CEP192: variants seen among roughly 807,000 people sequenced by gnomAD.
CEP192 encodes centrosomal protein 192.
Under a neutral mutation model 271.8 loss-of-function variants are expected in CEP192, and 151 were observed. The ratio of observed to expected loss-of-function variants is 0.56; its 90% CI spans 0.49 to 0.64. CEP192 has a LOEUF of 0.64. CEP192 is among the 30% of genes least tolerant of loss of function. The probability of loss-of-function intolerance (pLI) is 0.00; values close to 1 mark genes in which losing one functional copy is unlikely to be tolerated. For missense variants in CEP192, 2,910 were observed against 3,020.5 expected (o/e 0.96, Z 0.86); for synonymous variants, 995 against 1,076.5 (o/e 0.92, Z 1.48).
chr18:13,075,999 G>C (rs67838921), intron 30 of CEP192, among the ~76,000 whole-genome samples: 15,859 of 152,184 alleles, frequency 0.1, 979 homozygotes, highest in East Asian at 0.26. Context: ...CATTGGCAGA[G>C]TCTGGAGTTA....
At position 12,993,554 on chromosome 18, in the gene CEP192, C is replaced by T. The variant is rs549847889; in HGVS notation, c.-5+2117C>T. 3.9e-5 allele frequency among the ~76,000 whole-genome samples: 6 copies of T among 152,332 alleles called. No individual in the cohort carries two copies. In the East Asian group the frequency reaches 1.2e-3, roughly 29 times the overall value. On this transcript the variant is annotated intron_variant, in intron 1 of 44. Transcript: ENST00000506447. The stretch of plus-strand genomic sequence containing the variant: ...TGGCTATTCACATGCATGGTCATAG[C>T]TCACTGCAGCCTCAAACTTTTGGGC...
intron 44 of CEP192, among the ~76,000 whole-genome samples, chr18:13,121,221 T>G (rs2040642908): frequency 6.6e-6 from 1 of 152,268 alleles, no homozygotes; most frequent in Non-Finnish European, 1.5e-5. Flanking sequence ...TCCCAGCCTT[T>G]AGTTAATCAC....
chr18:13,050,327 CA>C (rs1475642709), intron 17 of CEP192, among the ~76,000 whole-genome samples: 2 of 152,094 alleles, frequency 1.3e-5, no homozygotes, highest in Non-Finnish European at 2.9e-5. Flanking sequence ...GCCTAACCAG[CA>C]AAATTATCAA....
rs2040370272 is a variant in CEP192 at position 13,115,138 on chromosome 18, A to AT, written c.7289+888dup. Among the ~76,000 whole-genome samples, 3 of 152,134 alleles carry AT rather than the reference A, an allele frequency of 2.0e-5. No individual in the cohort carries two copies. In the South Asian group the frequency reaches 6.2e-4, roughly 32 times the overall value. Reference sequence around the variant, plus strand: ...GGAAGAAATTAGAGCCCTTTAATGAATGCATGTTCTTGGCACACTCCCTCC... The same window carrying AT: ...GGAAGAAATTAGAGCCCTTTAATGAATTGCATGTTCTTGGCACACTCCCTCC... On this transcript the variant is annotated intron_variant, in intron 42 of 44. Transcript: ENST00000506447.
In CEP192 at chr18:13,049,774, A is replaced by G. The variant is rs934102529; in HGVS notation, c.2900A>G (p.Asn967Ser). ...TACCCCTTTCTGATAGATTTGAAAAATACCTCTCCTGAGCATGGTGGACGT... is the reference window on the plus strand; with the variant it reads ...TACCCCTTTCTGATAGATTTGAAAAGTACCTCTCCTGAGCATGGTGGACGT... ...IVSPKNSDLK[N>S]TSPEHGGRGS... Residue 967 changes from asparagine to serine, a missense_variant, in exon 17 of 45, where the codon AAT becomes AGT. Physicochemically the swap from Asn to Ser is conservative, Grantham distance 46 (BLOSUM62 1). Transcript: ENST00000506447. 1.2e-6 allele frequency: 2 copies of G among 1,611,082 alleles called. No homozygotes were observed. The highest frequency in any genetic ancestry group is 1.7e-6 in the Non-Finnish European group (2 of 1,179,060).
chr18:13,025,049 G>A (rs1317324060), intron 9 of CEP192, among the ~76,000 whole-genome samples: 1 of 152,150 alleles, frequency 6.6e-6, no homozygotes, highest in Non-Finnish European at 1.5e-5. Flanking sequence ...TGGAATTACA[G>A]GCGTGACCCA....
intron 30 of CEP192, 46 bp from the exon 31 acceptor site, chr18:13,086,971 T>C: frequency 2.2e-6 from 3 of 1,389,776 alleles, no homozygotes; most frequent in Non-Finnish European, 3.0e-6. Flanking sequence ...GTGTTTCGCT[T>C]TCTGCTTAAC....
At chr18:13,051,931 A>T (rs1251272302) in intron 17 of CEP192, among the ~76,000 whole-genome samples, 2 of 152,214 alleles carry the variant, frequency 1.3e-5, no homozygotes, top group Admixed American at 6.5e-5. Context: ...CTTTGTACAA[A>T]AAAGAAAGAT....
chr18:13,118,199 T>C (rs1341551526), intron 44 of CEP192, among the ~76,000 whole-genome samples: 1 of 152,240 alleles, frequency 6.6e-6, no homozygotes, highest in African/African-American at 2.4e-5. Flanking sequence ...GTCACTGTTA[T>C]TTAGAACTTA....
Position 13,116,642 on chromosome 18 carries a change from C to G in CEP192, c.7416+139C>G, listed in dbSNP as rs1036548393. ...TTTTCTTTTTTTGGAGATGGAGTCT[C>G]GCTGTCGCCCAGGCTGAAGTGCAGT... is the stretch of plus-strand genomic sequence containing the variant. On this transcript the variant is annotated intron_variant, in intron 43 of 44. Transcript: ENST00000506447. 2.2e-5 allele frequency: 17 copies of G among 756,338 alleles called. No individual in the cohort carries two copies. In the Middle Eastern group the frequency reaches 1.2e-3, roughly 53 times the overall value. The allele number at this position is 756,338 out of a possible 1,614,324, so 46.9% of individuals were successfully genotyped here. A position where few individuals can be genotyped will look rare whatever the true frequency, so the allele number is the denominator to read the frequency against.
At chr18:13,085,227 A>G (rs1479569403) in intron 30 of CEP192, among the ~76,000 whole-genome samples, 1 of 151,680 alleles carries the variant, frequency 6.6e-6, no homozygotes, top group African/African-American at 2.4e-5. Flanking sequence ...TCCTTTGCCC[A>G]CTTTTTGATG....
At chr18:13,054,439 T>A (rs1426812578) in intron 18 of CEP192, among the ~76,000 whole-genome samples, 2 of 152,242 alleles carry the variant, frequency 1.3e-5, no homozygotes, top group East Asian at 3.8e-4. Flanking sequence ...GAAGAGTTAC[T>A]GAATACACAG....
At position 12,997,359 on chromosome 18, in the gene CEP192, T is replaced by TG. The variant is rs557916223; in HGVS notation, c.-4-2058dup. Among the ~76,000 whole-genome samples, 688 of 152,220 alleles carry TG rather than the reference T, an allele frequency of 4.5e-3. 4 individuals are homozygous for TG. The highest frequency in any genetic ancestry group is 0.017 in the Middle Eastern group (5 of 294). Reference sequence around the variant, plus strand: ...GTTAAGTTACCTTTTAAGGATTTCGTGGGGCGGCAGGGGGGAATCTGTGCA... The same window carrying TG: ...GTTAAGTTACCTTTTAAGGATTTCGTGGGGGCGGCAGGGGGGAATCTGTGCA... On this transcript the variant is annotated intron_variant, in intron 1 of 44. Coordinates refer to ENST00000506447, the MANE Select transcript of CEP192 (RefSeq NM_032142.4).
intron 2 of CEP192, 75 bp downstream of exon 2, chr18:12,999,663 C>T: frequency 8.9e-7 from 1 of 1,122,376 alleles, no homozygotes; most frequent in Non-Finnish European, 1.2e-6. Flanking sequence ...TTCTGTTTCT[C>T]AGTCAAGCTT....
At chr18:13,119,387 A>G (rs957571901) in intron 44 of CEP192, among the ~76,000 whole-genome samples, 1 of 152,188 alleles carries the variant, frequency 6.6e-6, no homozygotes, top group Non-Finnish European at 1.5e-5. Context: ...ACTGGCATAC[A>G]TCTGTCACAA....
chr18:13,105,336 A>G (rs543673160), intron 40 of CEP192, among the ~76,000 whole-genome samples: 30 of 152,352 alleles, frequency 2.0e-4, no homozygotes, highest in Middle Eastern at 6.8e-3. Context: ...TACTGCACTG[A>G]TGGAGACGAG....
At position 13,049,127 on chromosome 18, in the gene CEP192, T is replaced by C. The variant is rs2036634211; in HGVS notation, c.2336T>C (p.Leu779Pro). Residue 779 changes from leucine (L) to proline (P), a missense_variant, in exon 16 of 45, where the codon CTT becomes CCT. Physicochemically the swap from Leu to Pro is moderately conservative, Grantham distance 98 (BLOSUM62 -3). Coordinates refer to ENST00000506447, the MANE Select transcript of CEP192 (RefSeq NM_032142.4). ...GAAAAAAGTAATGGATCCAATGCACTTGATATGGAGAAATACCTTAAAAAA... is the reference window on the plus strand; with the variant it reads ...GAAAAAAGTAATGGATCCAATGCACCTGATATGGAGAAATACCTTAAAAAA... Reference protein sequence around the residue: ...DLEKSNGSNALDMEKYLKKTE... With the variant: ...DLEKSNGSNAPDMEKYLKKTE... 6.2e-7 allele frequency: 1 copy of C among 1,613,894 alleles called. No individual in the cohort carries two copies. The highest frequency in any genetic ancestry group is 8.5e-7 in the Non-Finnish European group (1 of 1,179,968).
chr18:13,018,729 T>A, intron 8 of CEP192, 114 bp downstream of exon 8: 1 of 738,398 alleles, frequency 1.4e-6, no homozygotes, highest in Non-Finnish European at 2.1e-6. Flanking sequence ...TTCTAGTCCC[T>A]CAGGTCTTTA....
At chr18:13,031,469 G>A (rs1379810773) in intron 11 of CEP192, among the ~76,000 whole-genome samples, 4 of 151,898 alleles carry the variant, frequency 2.6e-5, no homozygotes, top group African/African-American at 9.7e-5. Flanking sequence ...GGATGGTCTC[G>A]ATCTCCTGAC....
Sources: gnomAD v4.1 joint callset for allele counts (sites outside exome capture counted in the v4.1 genomes callset) on GRCh38, gnomAD v4.1.1 for gene constraint, MANE v1.5 for transcripts, NCBI Gene and HGNC (gene_info 2026-07-23, HGNC 2026-07-21) for gene names.